The following GPC5 variants were observed in gnomAD, a reference collection of about 807,000 sequenced individuals.
GPC5 encodes glypican 5.
A neutral mutation model predicts 53.9 loss-of-function variants in GPC5; 47 were observed. The ratio of observed to expected loss-of-function variants is 0.87; its 90% confidence interval spans 0.69 to 1.11. The LOEUF is 1.11. Among genes scored for constraint, GPC5 ranks in the 50% most tolerant of loss-of-function variants. GPC5 has a pLI of 0.00. For synonymous variants in GPC5, 286 were observed against 263.3 expected, an observed-to-expected ratio of 1.09 and a Z score of -0.84; for missense variants, 748 against 713.1, an observed-to-expected ratio of 1.05 and a Z score of -0.56.
intron 7 of GPC5, among the ~76,000 whole-genome samples, chr13:92,795,082 T>C (rs901224619): frequency 2.0e-5 from 3 of 151,918 alleles, no homozygotes; most frequent in African/African-American, 7.3e-5. Flanking sequence ...GCCAAGAGAA[T>C]CCTAAGCAAA....
chr13:91,650,291 C>A (rs1431255638), intron 2 of GPC5, among the ~76,000 whole-genome samples: 1 of 152,160 alleles, frequency 6.6e-6, no homozygotes, highest in Non-Finnish European at 1.5e-5. Context: ...TCACTTGTGT[C>A]CATGTCTCCA....
At chr13:91,969,926 A>G (rs1318915149) in intron 6 of GPC5, among the ~76,000 whole-genome samples, 1 of 152,208 alleles carries the variant, frequency 6.6e-6, no homozygotes, top group East Asian at 1.9e-4. Context: ...TCATGGAAAT[A>G]TAATTTGGTA....
At chr13:92,667,654 G>A (rs1175666965) in intron 7 of GPC5, among the ~76,000 whole-genome samples, 1 of 152,024 alleles carries the variant, frequency 6.6e-6, no homozygotes, top group Non-Finnish European at 1.5e-5. Flanking sequence ...TTGCTGCTTT[G>A]GGGTACTTGC....
intron 7 of GPC5, among the ~76,000 whole-genome samples, chr13:92,697,109 C>T (rs8000309): frequency 0.54 from 80,905 of 149,114 alleles, 22,832 homozygotes; most frequent in East Asian, 0.83. Context: ...AGCCTTGTAG[C>T]ATAGTTTGAA....
At chr13:91,464,120 A>G (rs775113889) in intron 2 of GPC5, among the ~76,000 whole-genome samples, 1 of 152,174 alleles carries the variant, frequency 6.6e-6, no homozygotes, top group African/African-American at 2.4e-5. Flanking sequence ...ACAACTAAGT[A>G]CATGAAAAGA....
chr13:91,928,506 G>T (rs1188073145), intron 6 of GPC5, among the ~76,000 whole-genome samples: 3 of 152,154 alleles, frequency 2.0e-5, no homozygotes. Flanking sequence ...TGTTTGGGCA[G>T]CCAACAATTG....
At chr13:92,043,428 G>A (rs991282120) in intron 6 of GPC5, among the ~76,000 whole-genome samples, 1 of 152,102 alleles carries the variant, frequency 6.6e-6, no homozygotes, top group African/African-American at 2.4e-5. Context: ...GAAGAAAGGG[G>A]GTATAGTATA....
chr13:92,512,048 T>G (rs926012027), intron 7 of GPC5, among the ~76,000 whole-genome samples: 1 of 152,152 alleles, frequency 6.6e-6, no homozygotes, highest in Non-Finnish European at 1.5e-5. Context: ...AGAAGCAAAA[T>G]AGCTCCTGAC....
intron 7 of GPC5, among the ~76,000 whole-genome samples, chr13:92,151,241 C>T (rs1252640118): frequency 1.3e-5 from 2 of 152,130 alleles, no homozygotes; most frequent in Admixed American, 6.5e-5. Flanking sequence ...CCCAGAGCCT[C>T]TCAAACTTTC....
intron 7 of GPC5, among the ~76,000 whole-genome samples, chr13:92,779,830 T>G (rs577052880): frequency 6.6e-6 from 1 of 152,288 alleles, no homozygotes; most frequent in East Asian, 1.9e-4. Flanking sequence ...AAGGACAAAC[T>G]CATAAACCAG....
At chr13:91,980,102 A>C (rs2040343943) in intron 6 of GPC5, among the ~76,000 whole-genome samples, 2 of 152,212 alleles carry the variant, frequency 1.3e-5, no homozygotes, top group Non-Finnish European at 2.9e-5. Flanking sequence ...GAGGGAAAAA[A>C]AGCTTCCAAA....
At chr13:92,844,644 A>T (rs991497548) in intron 7 of GPC5, among the ~76,000 whole-genome samples, 1 of 152,116 alleles carries the variant, frequency 6.6e-6, no homozygotes, top group African/African-American at 2.4e-5. Flanking sequence ...GGCAGTTCAC[A>T]TCATGAAGTA....
intron 6 of GPC5, among the ~76,000 whole-genome samples, chr13:92,010,909 C>T (rs1594722372): frequency 6.6e-6 from 1 of 152,220 alleles, no homozygotes; most frequent in Non-Finnish European, 1.5e-5. Flanking sequence ...CCTGAACAGA[C>T]TAATACAAAC....
intron 7 of GPC5, among the ~76,000 whole-genome samples, chr13:92,685,516 A>C (rs995432817): frequency 6.7e-6 from 1 of 150,338 alleles, no homozygotes; most frequent in South Asian, 2.1e-4. Flanking sequence ...TAAAAAAATA[A>C]TCAAGTTATT....
At chr13:91,753,652 G>A (rs945433121) in intron 4 of GPC5, among the ~76,000 whole-genome samples, 2 of 152,128 alleles carry the variant, frequency 1.3e-5, no homozygotes, top group Non-Finnish European at 2.9e-5. Context: ...AACGTCTTAT[G>A]ATGAGCAATA....
chr13:91,697,630 T>G (rs569010036), intron 3 of GPC5, among the ~76,000 whole-genome samples: 83 of 152,308 alleles, frequency 5.4e-4, no homozygotes, highest in African/African-American at 1.9e-3. Context: ...GGATTAATAT[T>G]AAAATGTTAA....
intron 7 of GPC5, among the ~76,000 whole-genome samples, chr13:92,619,436 G>A (rs1427982934): frequency 6.6e-6 from 1 of 151,804 alleles, no homozygotes; most frequent in Non-Finnish European, 1.5e-5. Flanking sequence ...ATTATTCTTA[G>A]GTTAACACAC....
chr13:92,739,088 T>G (rs1287572226), intron 7 of GPC5, among the ~76,000 whole-genome samples: 1 of 152,092 alleles, frequency 6.6e-6, no homozygotes, highest in East Asian at 1.9e-4. Flanking sequence ...CACTGCCGCC[T>G]CATAAAATGG....
intron 1 of GPC5, among the ~76,000 whole-genome samples, chr13:91,432,226 T>TGG (rs1879537520): frequency 6.7e-6 from 1 of 149,336 alleles, no homozygotes; most frequent in African/African-American, 2.5e-5. Context: ...TGTGTGTGTG[T>TGG]GTGTGTGTGT....
Sources: gnomAD v4.1 joint callset for allele counts (sites outside exome capture counted in the v4.1 genomes callset) on GRCh38, gnomAD v4.1.1 for gene constraint, MANE v1.5 for transcripts, NCBI Gene and HGNC (gene_info 2026-07-23, HGNC 2026-07-21) for gene names.